Variants in TFEC observed in about 807,000 individuals in gnomAD.
TFEC encodes the protein class E basic helix-loop-helix protein 34.
In TFEC, 31 loss-of-function variants were observed where a neutral mutation model predicts 41.6. The ratio of observed to expected loss-of-function variants is 0.74; its 90% CI spans 0.56 to 1.01. TFEC has a LOEUF of 1.01. TFEC is among the 50% of genes least tolerant of loss of function. The probability of loss-of-function intolerance (pLI) is 0.00; values close to 1 mark genes in which losing one functional copy is unlikely to be tolerated. For missense variants in TFEC, 402 were observed against 404.1 expected (o/e 0.99, Z 0.04); for synonymous variants, 143 against 140.6 (o/e 1.02, Z -0.12).
At chr7:115,991,963 A>G (rs567465198) in intron 1 of TFEC, among the ~76,000 whole-genome samples, 1 of 152,116 alleles carries the variant, frequency 6.6e-6, no homozygotes, top group Non-Finnish European at 1.5e-5. Context: ...GAAGTAAAGC[A>G]CTCCTCAGCA....
Position 115,938,654 on chromosome 7 carries a change from CA to C in TFEC, c.*1896del, listed in dbSNP as rs1364590278. 1.3e-5 allele frequency: 2 copies of C among 151,872 alleles called. No individual in the cohort carries two copies. Among genetic ancestry groups the C allele is most frequent in the African/African-American group, 4.8e-5 (2 of 41,398 alleles). The allele number at this position is 151,872 out of a possible 1,614,324, so 9.4% of individuals were successfully genotyped here. ...TACTTTTATCAGCATTAGGGTCTCA[CA>C]TTTCATAGTGACATATTTTCCATGT... is the stretch of plus-strand genomic sequence containing the variant. On this transcript the variant is annotated 3_prime_UTR_variant, in exon 8 of 8. Coordinates refer to ENST00000265440, the MANE Select transcript of TFEC (RefSeq NM_012252.4).
chr7:116,023,082 GC>G (rs1017549239), intron 1 of TFEC, among the ~76,000 whole-genome samples: 4 of 132,684 alleles, frequency 3.0e-5, no homozygotes, highest in African/African-American at 5.4e-5. Context: ...GGTTCTTCCA[GC>G]AAAAAAAAAA....
At position 116,153,235 on chromosome 7, in the gene TFEC, T is replaced by C. The variant is rs76296805; in HGVS notation, c.-69+6555A>G. Among the ~76,000 whole-genome samples the C allele has an allele frequency of 3.3e-4, 49 of 149,880 alleles. 2 individuals carry two copies. The East Asian group carries it at 9.6e-3, about 29-fold the overall frequency. ...AGGTTAGGCAGTGGTGGCGATGTTG[T>C]GGGTGTTTTTGTTTTGTTTCGTTTT... On this transcript the variant is annotated intron_variant, in intron 1 of 8. Coordinates refer to the TFEC transcript ENST00000484212.
At position 116,045,162 on chromosome 7, in the gene TFEC, C is replaced by T. The variant is rs554829133; in HGVS notation, c.199-60649G>A. ...GGGAAAGTTTGGAACTCCCTAGAGA[C>T]TTGTTGAATGGTGTTGACCAAATGC... On this transcript the variant is annotated intron_variant, in intron 3 of 8. Coordinates refer to the TFEC transcript ENST00000484212. 8.5e-5 allele frequency among the ~76,000 whole-genome samples: 13 copies of T among 152,290 alleles called. No homozygotes were observed. The South Asian group carries it at 2.5e-3, about 29-fold the overall frequency.
intron 3 of TFEC, among the ~76,000 whole-genome samples, chr7:116,061,002 C>T (rs926350962): frequency 1.3e-5 from 2 of 152,052 alleles, no homozygotes; most frequent in African/African-American, 2.4e-5. Context: ...ATACTGTGTT[C>T]ATGAGTCAGA....
At chr7:116,130,979 T>C (rs768086437) in intron 1 of TFEC, among the ~76,000 whole-genome samples, 13 of 152,196 alleles carry the variant, frequency 8.5e-5, no homozygotes, top group Non-Finnish European at 1.8e-4. Flanking sequence ...AAATTTTCTA[T>C]AAAGTAGTAT....
At chr7:116,092,823 A>G (rs961545543) in intron 3 of TFEC, among the ~76,000 whole-genome samples, 2 of 152,278 alleles carry the variant, frequency 1.3e-5, no homozygotes, top group African/African-American at 4.8e-5. Context: ...TGAGTAGTTA[A>G]CCACTTGCCA....
intron 4 of TFEC, 52 bp from the exon 5 acceptor site, chr7:115,954,694 C>T: frequency 7.2e-7 from 1 of 1,383,134 alleles, no homozygotes; most frequent in Non-Finnish European, 1.0e-6. Context: ...CTTAAAACCC[C>T]TCCAGGCAAC....
chr7:115,993,042 G>GT (rs1223924070), intron 1 of TFEC, among the ~76,000 whole-genome samples: 12 of 152,176 alleles, frequency 7.9e-5, no homozygotes, highest in African/African-American at 2.7e-4. Flanking sequence ...ATGCAAGGCT[G>GT]GTTCAACATA....
chr7:116,002,650 A>G (rs1794642641), intron 1 of TFEC, among the ~76,000 whole-genome samples: 1 of 152,176 alleles, frequency 6.6e-6, no homozygotes, highest in African/African-American at 2.4e-5. Context: ...TTTATTGTAC[A>G]TTTAAAAATA....
intron 1 of TFEC, among the ~76,000 whole-genome samples, chr7:116,148,649 C>T (rs558734580): frequency 2.6e-5 from 4 of 152,236 alleles, no homozygotes; most frequent in African/African-American, 9.6e-5. Context: ...GATCTTTAAC[C>T]TCCATTGCGG....
intron 3 of TFEC, among the ~76,000 whole-genome samples, chr7:116,052,310 A>G (rs59922249): frequency 0.24 from 36,551 of 152,158 alleles, 4,546 homozygotes; most frequent in East Asian, 0.39. Context: ...ATTTATCAAA[A>G]TGTGTTAAAT....
At chr7:116,074,192 T>TA (rs1796899363) in intron 3 of TFEC, among the ~76,000 whole-genome samples, 1 of 35,832 alleles carries the variant, frequency 2.8e-5, no homozygotes, top group African/African-American at 2.7e-4. Context: ...ACATTATATA[T>TA]TTTTTGTGTA....
chr7:116,112,662 A>G (rs1424224265), intron 1 of TFEC, among the ~76,000 whole-genome samples: 1 of 151,986 alleles, frequency 6.6e-6, no homozygotes, highest in Non-Finnish European at 1.5e-5. Context: ...GTAGCCCAGG[A>G]GCAATGGATA....
chr7:115,957,358 TA>T (rs535050362), intron 3 of TFEC, among the ~76,000 whole-genome samples: 46 of 152,008 alleles, frequency 3.0e-4, no homozygotes, highest in Non-Finnish European at 5.4e-4. Context: ...TAGATTATTA[TA>T]AATATCCCAG....
At chr7:116,036,548 A>G (rs1350750833) in intron 3 of TFEC, among the ~76,000 whole-genome samples, 1 of 152,096 alleles carries the variant, frequency 6.6e-6, no homozygotes, top group East Asian at 1.9e-4. Context: ...TATATTAAAC[A>G]CTATGCCTTA....
chr7:116,067,970 A>G (rs774334818), intron 3 of TFEC, among the ~76,000 whole-genome samples: 2 of 151,686 alleles, frequency 1.3e-5, no homozygotes, highest in Admixed American at 6.6e-5. Flanking sequence ...TTTTCTCACC[A>G]TGTTCTCTCA....
intron 3 of TFEC, among the ~76,000 whole-genome samples, chr7:116,090,208 A>T (rs1797293606): frequency 6.6e-6 from 1 of 152,084 alleles, no homozygotes; most frequent in South Asian, 2.1e-4. Flanking sequence ...TAGGAGTGTG[A>T]CCTTTGTAAC....
chr7:115,946,396 CGTGTGTGTGTGTGTGT>C (rs3028673), intron 6 of TFEC, among the ~76,000 whole-genome samples: 9 of 123,156 alleles, frequency 7.3e-5, no homozygotes, highest in East Asian at 2.6e-4. Context: ...AGAAACATAA[CGTGTGTGTGTGTGTGT>C]GTGTGTGTGT....
Sources: allele counts gnomAD v4.1 joint callset (sites outside exome capture counted in the v4.1 genomes callset), GRCh38; gene constraint gnomAD v4.1.1; transcripts MANE v1.5; gene names NCBI Gene and HGNC (gene_info 2026-07-23, HGNC 2026-07-21).